Variants in MYCBP2 observed in about 807,000 individuals in gnomAD.
The protein encoded by MYCBP2 is E3 ubiquitin-protein ligase MYCBP2.
A neutral mutation model predicts 525.3 loss-of-function variants in MYCBP2; 120 were observed. The ratio of observed to expected loss-of-function variants is 0.23; its 90% CI spans 0.20 to 0.27. The LOEUF (loss-of-function observed/expected upper bound fraction) is 0.27. Among genes scored for constraint, MYCBP2 ranks in the 10% least tolerant of loss-of-function variants. The pLI, the probability that MYCBP2 is intolerant of heterozygous loss-of-function variation, is 1.00. For synonymous variants in MYCBP2, 1,894 were observed against 1,955.8 expected (o/e 0.97, Z 0.83); for missense variants, 4,149 against 5,657.1 (o/e 0.73, Z 8.55).
In MYCBP2 at chr13:77,058,493, T is replaced by G; in HGVS notation, c.13141-87A>C. ...TCCTTATTATATAAATTTCCAAAGATTACTTTCCCACAGGAAGTATCTATG... is the reference window on the plus strand; with the variant it reads ...TCCTTATTATATAAATTTCCAAAGAGTACTTTCCCACAGGAAGTATCTATG... On this transcript the variant is annotated intron_variant, in intron 77 of 82. Coordinates refer to ENST00000544440, the MANE Select transcript of MYCBP2 (RefSeq NM_015057.5). This position sits in a 1 kb window ranked among gnomAD's most constrained non-coding sequence, Gnocchi z 4.1. 2 of 1,204,702 alleles carry G rather than the reference T, an allele frequency of 1.7e-6. No individual in the cohort carries two copies. Among genetic ancestry groups the G allele is most frequent in the Non-Finnish European group, 2.2e-6 (2 of 889,266 alleles). 74.6% of individuals were successfully genotyped at this position (1,204,702 alleles called of 1,614,324 possible).
chr13:77,077,369 G>A lies in MYCBP2; in HGVS notation c.11503C>T (p.His3835Tyr), dbSNP rs527303592. Residue 3835 changes from histidine (H) to tyrosine (Y), a missense_variant, in exon 67 of 83, where the codon CAC (histidine) becomes TAC (tyrosine). Physicochemically the swap from His to Tyr is moderately conservative, Grantham distance 83. Around this residue, in one of 21 missense-constraint regions of MYCBP2, gnomAD observed 509 missense variants for 789.4 expected, o/e 0.64. Coordinates refer to ENST00000544440, the MANE Select transcript of MYCBP2 (RefSeq NM_015057.5). ...AGTTCACTTGTTACCCAGCCAATGT[G>A]CCTGGAATCCAGATCAACCTGGTTG... is the stretch of plus-strand genomic sequence containing the variant. ...RIKQVDLDSR[H>Y]IGWVTSELPG... 1.1e-5 allele frequency: 17 copies of A among 1,613,950 alleles called. No individual in the cohort carries two copies. The Admixed American group carries it at 1.5e-4, about 14-fold the overall frequency.
intron 55 of MYCBP2, chr13:77,099,625 T>C (rs567995018): frequency 6.5e-6 from 1 of 152,822 alleles, no homozygotes; most frequent in Non-Finnish European, 1.5e-5. Flanking sequence ...AGCTGTTATT[T>C]AATTATTTAT....
chr13:77,165,437 TA>T (rs1435093138), intron 41 of MYCBP2, 46 bp from the exon 42 acceptor site: 33 of 1,391,466 alleles, frequency 2.4e-5, no homozygotes, highest in Non-Finnish European at 3.2e-5. Flanking sequence ...AACAATTTTA[TA>T]AAAATTTCCC....
At chr13:77,050,413 G>A (rs566188626) in intron 82 of MYCBP2, among the ~76,000 whole-genome samples, 1 of 152,232 alleles carries the variant, frequency 6.6e-6, no homozygotes, top group East Asian at 1.9e-4. Flanking sequence ...CTTCCGTGAA[G>A]CCTGGTATTC....
At chr13:77,055,225 A>T (rs2037705811) in intron 80 of MYCBP2, among the ~76,000 whole-genome samples, 2 of 152,092 alleles carry the variant, frequency 1.3e-5, no homozygotes. Flanking sequence ...CAAGGAATTA[A>T]GGGTTTTAAG....
At chr13:77,286,017 CAT>C (rs2076720608) in intron 3 of MYCBP2, among the ~76,000 whole-genome samples, 1 of 152,122 alleles carries the variant, frequency 6.6e-6, no homozygotes, top group African/African-American at 2.4e-5. Context: ...GCAAAAAGGA[CAT>C]GTGAAGATGG....
In MYCBP2 at chr13:77,169,716, TA is replaced by T. The variant is rs753847940; in HGVS notation, c.5795-3del. ...TCAGCAGTTCTGGAATGTCATCAGC[TA>T]AAAAAAGGCATAAAAGGCATTAAAA... On this transcript the variant is annotated splice_region_variant and splice_polypyrimidine_tract_variant and intron_variant, in intron 38 of 82. Coordinates refer to ENST00000544440, the MANE Select transcript of MYCBP2 (RefSeq NM_015057.5). 2.5e-6 allele frequency: 4 copies of T among 1,611,872 alleles called. No homozygotes were observed. The highest frequency in any genetic ancestry group is 2.5e-6 in the Non-Finnish European group (3 of 1,178,556).
chr13:77,210,439 G>A (rs1286089752), intron 23 of MYCBP2, among the ~76,000 whole-genome samples: 6 of 151,962 alleles, frequency 3.9e-5, no homozygotes, highest in African/African-American at 1.2e-4. Context: ...TGATCTGCCC[G>A]CCTTGGCCTC....
At chr13:77,243,296 A>G (rs1217391262) in intron 16 of MYCBP2, 136 bp from the exon 17 acceptor site, 3 of 718,658 alleles carry the variant, frequency 4.2e-6, no homozygotes, top group South Asian at 1.8e-5. Context: ...TACTTTAATA[A>G]TTCTTAGCCA....
At chr13:77,169,264 C>CG (rs2058878882) in intron 39 of MYCBP2, among the ~76,000 whole-genome samples, 2 of 151,870 alleles carry the variant, frequency 1.3e-5, no homozygotes, top group African/African-American at 4.8e-5. Context: ...GGCGCAGTGG[C>CG]GGGCGCCTGT....
At chr13:77,282,411 G>GAAA (rs35046756) in intron 3 of MYCBP2, among the ~76,000 whole-genome samples, 1 of 108,428 alleles carries the variant, frequency 9.2e-6, no homozygotes. Context: ...ACTCCATCTT[G>GAAA]AAAAAAAAAA....
At chr13:77,284,341 A>G (rs185506513) in intron 3 of MYCBP2, among the ~76,000 whole-genome samples, 345 of 152,314 alleles carry the variant, frequency 2.3e-3, no homozygotes, top group Middle Eastern at 0.017. Context: ...GGAGCAAACT[A>G]GGATAATAGC....
chr13:77,290,362 C>A (rs2077342464), intron 2 of MYCBP2, among the ~76,000 whole-genome samples: 2 of 152,188 alleles, frequency 1.3e-5, no homozygotes, highest in African/African-American at 4.8e-5. Flanking sequence ...TGTTCTTGGA[C>A]ATTTACACCA....
intron 26 of MYCBP2, among the ~76,000 whole-genome samples, chr13:77,194,610 T>G (rs2061582435): frequency 6.6e-6 from 1 of 152,132 alleles, no homozygotes. Flanking sequence ...TCTACCTCAT[T>G]CTAAATGAGG....
intron 4 of MYCBP2, among the ~76,000 whole-genome samples, chr13:77,278,052 T>TTTTACTTTC (rs2075819205): frequency 2.0e-5 from 3 of 152,202 alleles, no homozygotes; most frequent in African/African-American, 7.2e-5. Context: ...GCGAACACTT[T>TTTTACTTTC]ATTTACTTAA....
rs975606436 is a variant in MYCBP2 at position 77,052,404 on chromosome 13, G to A, written c.13648-486C>T. On this transcript the variant is annotated intron_variant, in intron 80 of 82. Transcript: ENST00000544440. The stretch of plus-strand genomic sequence containing the variant: ...TGTAGAGACAGAGTCTCCCTATGCT[G>A]CCCAGGCTGGTCTCAAACTCCTGGG... 5.3e-5 allele frequency among the ~76,000 whole-genome samples: 8 copies of A among 152,218 alleles called. No homozygotes were observed. In the South Asian group the frequency reaches 1.5e-3, roughly 28 times the overall value.
chr13:77,174,066 A>G (rs1000418824), intron 37 of MYCBP2, among the ~76,000 whole-genome samples: 5 of 152,260 alleles, frequency 3.3e-5, no homozygotes, highest in African/African-American at 1.2e-4. Context: ...TATGCCCAGT[A>G]CACAAACATT....
At chr13:77,078,550 C>A (rs533361324) in intron 66 of MYCBP2, among the ~76,000 whole-genome samples, 87 of 152,184 alleles carry the variant, frequency 5.7e-4, no homozygotes, top group South Asian at 2.3e-3. Flanking sequence ...TTAAGATACC[C>A]TGAGTCTTTG....
At chr13:77,310,527 A>C (rs1156425802) in intron 1 of MYCBP2, among the ~76,000 whole-genome samples, 1 of 152,178 alleles carries the variant, frequency 6.6e-6, no homozygotes, top group Admixed American at 6.5e-5. Flanking sequence ...ATGGCCCATA[A>C]AGTCTAAGTT....
Sources: allele counts gnomAD v4.1 joint callset (sites outside exome capture counted in the v4.1 genomes callset), GRCh38; gene constraint gnomAD v4.1.1; regional missense constraint gnomAD v4.1.1; non-coding constraint Gnocchi (gnomAD v3.1); transcripts MANE v1.5; gene names NCBI Gene and HGNC (gene_info 2026-07-23, HGNC 2026-07-21).